Variants in TAF6 observed in about 807,000 individuals in gnomAD.
The protein encoded by TAF6 is transcription initiation factor TFIID subunit 6.
A neutral mutation model predicts 73.5 loss-of-function variants in TAF6; 50 were observed. The observed-to-expected ratio is 0.68, with a 90% confidence interval of 0.54 to 0.86. TAF6 has a LOEUF of 0.86. TAF6 is among the 40% of genes least tolerant of loss of function. The pLI, the probability that TAF6 is intolerant of heterozygous loss-of-function variation, is 0.00. For missense variants in TAF6, 768 were observed against 899.5 expected (o/e 0.85, Z 1.87); for synonymous variants, 424 against 376.7 (o/e 1.13, Z -1.45).
rs367786132 is a variant in TAF6, at chr7:100,107,196, G to C, written c.*50C>G. The C allele has an allele frequency of 2.0e-6, 3 of 1,518,868 alleles. No individual in the cohort carries two copies. The highest frequency in any genetic ancestry group is 2.2e-5 in the Admixed American group (1 of 44,992). The allele number at this position is 1,518,868 out of a possible 1,614,324, so 94.1% of individuals were successfully genotyped here. A position where few individuals can be genotyped will look rare whatever the true frequency, so the allele number is the denominator to read the frequency against. ...CGAGCATGCATGTGTGTACGTGCACGTGTGTACATGTCTGCATGTGTGGGA... is the reference window on the plus strand; with the variant it reads ...CGAGCATGCATGTGTGTACGTGCACCTGTGTACATGTCTGCATGTGTGGGA... On this transcript the variant is annotated 3_prime_UTR_variant, in exon 15 of 15. Transcript: ENST00000453269.
upstream of TAF6, chr7:100,119,907 T>A: frequency 6.5e-7 from 1 of 1,527,706 alleles, no homozygotes; most frequent in Non-Finnish European, 8.9e-7. Context: ...CGGCCACACC[T>A]CCTTCTTCTA....
chr7:100,112,120 C>T lies in TAF6; in HGVS notation c.708G>A (p.Glu236=), dbSNP rs1344903383. 1.2e-6 allele frequency: 2 copies of T among 1,613,740 alleles called. No individual in the cohort carries two copies. Among genetic ancestry groups the T allele is most frequent in the Non-Finnish European group, 1.7e-6 (2 of 1,179,796 alleles). Residue 236 remains glutamate, a synonymous_variant, in exon 7 of 15, where the codon GAG becomes GAA. Coordinates refer to ENST00000453269, the MANE Select transcript of TAF6 (RefSeq NM_139315.3). ...EITEACVGSC[E]AKRAEALQSI... is the part of the protein sequence containing the mutation. The stretch of plus-strand genomic sequence containing the variant: ...GTGGGGCCCTCACCGCCCTCTTGGC[C>T]TCGCAGGAGCCCACGCAGGCCTCGG...
chr7:100,108,218 GCT>G (rs1796767506), intron 13 of TAF6, 95 bp from the exon 14 acceptor site: 2 of 1,463,314 alleles, frequency 1.4e-6, no homozygotes, highest in Non-Finnish European at 9.1e-7. Context: ...TTCCTCAGTG[GCT>G]CTCACTAGGG....
At chr7:100,115,238 A>G (rs1797577884) in intron 1 of TAF6, 1 of 152,194 alleles carries the variant, frequency 6.6e-6, no homozygotes, top group South Asian at 2.1e-4. Flanking sequence ...GCAATCCTCC[A>G]GCGTTGGCCT....
chr7:100,112,720 CAAAAA>C, intron 6 of TAF6, 73 bp downstream of exon 6: 2 of 1,460,442 alleles, frequency 1.4e-6, no homozygotes, highest in Non-Finnish European at 1.8e-6. Flanking sequence ...GTCTCAAAAA[CAAAAA>C]AAAAGGAAAC....
chr7:100,122,849 G>A, upstream of TAF6: 1 of 1,613,906 alleles, frequency 6.2e-7, no homozygotes, highest in Non-Finnish European at 8.5e-7. Flanking sequence ...TGGATCTGGG[G>A]ATCCCTCTGG....
intron 1 of TAF6, chr7:100,116,781 G>T (rs971076274): frequency 6.6e-6 from 1 of 152,084 alleles, no homozygotes; most frequent in East Asian, 1.9e-4. Context: ...CATTCCTTCT[G>T]GCTGCTCCTT....
chr7:100,124,792 AGAGCAGGAG>A (rs765539109), upstream of TAF6: 10 of 1,612,916 alleles, frequency 6.2e-6, no homozygotes, highest in African/African-American at 1.1e-4. Flanking sequence ...AAGGGGAGGA[AGAGCAGGAG>A]GAGGAGGAGG....
chr7:100,118,877 T>C, intron 1 of TAF6: 1 of 985,340 alleles, frequency 1.0e-6, no homozygotes, highest in Non-Finnish European at 1.2e-6. Context: ...ATTCGAGACA[T>C]ACTCTGTGCC....
Position 100,107,381 on chromosome 7 carries a change from C to G in TAF6, c.1899G>C (p.Ser633=). The change falls in exon 15 of 15, where the codon TCG becomes TCC. Residue 633 remains serine, a synonymous_variant. Coordinates refer to ENST00000453269, the MANE Select transcript of TAF6 (RefSeq NM_139315.3). The stretch of plus-strand genomic sequence containing the variant: ...CACTGCCGCTGAGTGGGGACGGGGA[C>G]GATGCCGGGGGAGGAACTGGAGAAG... The part of the protein sequence containing the change: ...SHPSPVPPPA[S]SPSPLSGSAL... The G allele has an allele frequency of 1.9e-6, 3 of 1,590,914 alleles. No homozygotes were observed. The South Asian group carries it at 3.4e-5, about 18-fold the overall frequency.
At chr7:100,121,116 A>ATTTTTTTT (rs1163501525), upstream of TAF6, 4 of 52,798 alleles carry the variant, frequency 7.6e-5, no homozygotes, top group African/African-American at 1.9e-4. Context: ...ATATATATAT[A>ATTTTTTTT]TTTTTTTTTT....
chr7:100,120,071 T>G, upstream of TAF6: 1 of 469,900 alleles, frequency 2.1e-6, no homozygotes, highest in Non-Finnish European at 3.7e-6. Context: ...TGCATTTTTT[T>G]GGCTGGCTTG....
intron 5 of TAF6, 89 bp from the exon 6 acceptor site, chr7:100,113,006 T>C: frequency 6.6e-7 from 1 of 1,515,504 alleles, no homozygotes; most frequent in Non-Finnish European, 8.9e-7. Flanking sequence ...GGCTCATGCC[T>C]GTAATCCCAG....
At chr7:100,122,494 G>GA, upstream of TAF6, 2 of 1,614,074 alleles carry the variant, frequency 1.2e-6, no homozygotes, top group Non-Finnish European at 8.5e-7. Context: ...GACAAGGCTG[G>GA]AAGAGGCCTT....
At chr7:100,118,229 T>G in intron 1 of TAF6, among the ~76,000 whole-genome samples, 1 of 151,208 alleles carries the variant, frequency 6.6e-6, no homozygotes, top group African/African-American at 2.4e-5. Flanking sequence ...GGCGGGCGCC[T>G]GTAGTCCCAG....
upstream of TAF6, chr7:100,119,596 C>A: frequency 6.6e-7 from 1 of 1,507,942 alleles, no homozygotes; most frequent in Non-Finnish European, 8.9e-7. Context: ...AGCAACGAGG[C>A]CCCACCCTTG....
chr7:100,124,614 TC>T (rs1188016379), upstream of TAF6: 1 of 1,613,356 alleles, frequency 6.2e-7, no homozygotes, highest in South Asian at 1.1e-5. Flanking sequence ...GGTCATGTGC[TC>T]CCAGCTGCTG....
chr7:100,107,862 TC>T (rs1031721060), intron 14 of TAF6, 63 bp downstream of exon 14: 2 of 1,534,256 alleles, frequency 1.3e-6, no homozygotes, highest in African/African-American at 2.7e-5. Flanking sequence ...CTCCTGGGCC[TC>T]CCCAGGGTGC....
In TAF6 at chr7:100,109,932, CAG is replaced by C. The variant is rs1390540707; in HGVS notation, c.1284+14_1284+15del. On this transcript the variant is annotated intron_variant, in intron 12 of 14. Transcript: ENST00000453269. ...GTGTCTCAGTGGGCAGGTGTGGGGACAGGGGCTTCAGTCACCAGCAGGAGGCT... is the reference window on the plus strand; with the variant it reads ...GTGTCTCAGTGGGCAGGTGTGGGGACGGGCTTCAGTCACCAGCAGGAGGCT... 4.3e-6 allele frequency: 7 copies of C among 1,613,402 alleles called. No individual in the cohort carries two copies. The highest frequency in any genetic ancestry group is 2.7e-5 in the African/African-American group (2 of 74,884).
Sources: allele counts gnomAD v4.1 joint callset (sites outside exome capture counted in the v4.1 genomes callset), GRCh38; gene constraint gnomAD v4.1.1; transcripts MANE v1.5; gene names NCBI Gene and HGNC (gene_info 2026-07-23, HGNC 2026-07-21).